The following HDAC4 variants were observed in gnomAD, a reference collection of about 807,000 sequenced individuals.
HDAC4 encodes histone deacetylase A.
A neutral mutation model predicts 135.1 loss-of-function variants in HDAC4; 16 were observed. The ratio of observed to expected loss-of-function variants is 0.12; its 90% CI spans 0.08 to 0.18. The LOEUF is 0.18. Among genes scored for constraint, HDAC4 ranks in the 10% least tolerant of loss-of-function variants. The probability of loss-of-function intolerance (pLI) is 1.00; values close to 1 mark genes in which losing one functional copy is unlikely to be tolerated. For missense variants in HDAC4, 1,143 were observed against 1,511.8 expected (o/e 0.76, Z 4.05); for synonymous variants, 685 against 653.4 (o/e 1.05, Z -0.74).
intron 1 of HDAC4, among the ~76,000 whole-genome samples, chr2:239,372,498 A>G (rs1039918811): frequency 6.6e-6 from 1 of 152,206 alleles, no homozygotes; most frequent in Non-Finnish European, 1.5e-5. Context: ...ACACGCGCGC[A>G]CACACACAGA....
At chr2:239,122,490 C>T (rs148906393) in intron 12 of HDAC4, among the ~76,000 whole-genome samples, 2 of 152,316 alleles carry the variant, frequency 1.3e-5, no homozygotes, top group Admixed American at 6.5e-5. Context: ...GTGCGTTCTC[C>T]AGAAAGTTCC....
chr2:239,132,092 G>T (rs576555396), intron 11 of HDAC4, among the ~76,000 whole-genome samples: 144 of 152,310 alleles, frequency 9.5e-4, no homozygotes, highest in Middle Eastern at 3.4e-3. Flanking sequence ...CTGGCTGGGG[G>T]AGTGAGAGAG....
chr2:239,254,953 A>C (rs746022460), intron 2 of HDAC4, among the ~76,000 whole-genome samples: 2 of 152,384 alleles, frequency 1.3e-5, no homozygotes, highest in Non-Finnish European at 2.9e-5. Context: ...AACAGCAACA[A>C]AAGTAGCCAA....
At chr2:239,385,505 G>GAGCTAGAGCA (rs577352047) in intron 1 of HDAC4, among the ~76,000 whole-genome samples, 2,577 of 152,340 alleles carry the variant, frequency 0.017, 74 homozygotes, top group African/African-American at 0.058. Flanking sequence ...ATGGAAATGA[G>GAGCTAGAGCA]TGGCCACAGG....
intron 24 of HDAC4, among the ~76,000 whole-genome samples, chr2:239,061,211 CGT>C (rs1175806118): frequency 6.6e-6 from 1 of 151,772 alleles, no homozygotes; most frequent in South Asian, 2.1e-4. Context: ...GGTATGTGTG[CGT>C]GTGTGGTGTG....
intron 24 of HDAC4, among the ~76,000 whole-genome samples, chr2:239,056,157 C>T (rs2031809702): frequency 6.6e-6 from 1 of 152,206 alleles, no homozygotes; most frequent in Non-Finnish European, 1.5e-5. Context: ...GGCACACATA[C>T]CCACAGCAGG....
At chr2:239,399,591 C>A (rs1696802249) in intron 1 of HDAC4, among the ~76,000 whole-genome samples, 2 of 152,200 alleles carry the variant, frequency 1.3e-5, no homozygotes, top group Admixed American at 1.3e-4. Context: ...CTGCCAGTAT[C>A]CCCCCAGTCC....
intron 1 of HDAC4, among the ~76,000 whole-genome samples, chr2:239,368,341 C>T (rs1694365612): frequency 6.6e-6 from 1 of 152,166 alleles, no homozygotes; most frequent in Admixed American, 6.5e-5. Flanking sequence ...CAGGGACTAG[C>T]AAAGGGGGCG....
chr2:239,191,391 C>G (rs74003749), intron 3 of HDAC4, among the ~76,000 whole-genome samples: 4,717 of 152,322 alleles, frequency 0.031, 250 homozygotes, highest in African/African-American at 0.11. Context: ...CTAGGAAAAC[C>G]TGCACTCCAC....
At chr2:239,061,362 C>G (rs1238637159) in intron 24 of HDAC4, among the ~76,000 whole-genome samples, 1 of 147,038 alleles carries the variant, frequency 6.8e-6, no homozygotes, top group Non-Finnish European at 1.5e-5. Flanking sequence ...ATGTGTGAGA[C>G]TGTGGTACCT....
chr2:239,133,498 G>A (rs553355615), intron 11 of HDAC4, among the ~76,000 whole-genome samples: 48 of 152,258 alleles, frequency 3.2e-4, no homozygotes, highest in African/African-American at 1.0e-3. Flanking sequence ...ACGGAGTCTC[G>A]CTCTGTTGCC....
At chr2:239,124,887 T>C (rs2040054876) in intron 12 of HDAC4, among the ~76,000 whole-genome samples, 1 of 145,666 alleles carries the variant, frequency 6.9e-6, no homozygotes, top group Admixed American at 6.9e-5. Flanking sequence ...CCGCGTTATA[T>C]GACATTCCAT....
intron 2 of HDAC4, among the ~76,000 whole-genome samples, chr2:239,292,626 G>C (rs924190784): frequency 6.6e-6 from 1 of 152,180 alleles, no homozygotes; most frequent in Non-Finnish European, 1.5e-5. Context: ...CTGGGAACTC[G>C]AGCCAAGTAA....
At chr2:239,127,527 C>T (rs2040277806) in intron 11 of HDAC4, among the ~76,000 whole-genome samples, 1 of 152,114 alleles carries the variant, frequency 6.6e-6, no homozygotes, top group South Asian at 2.1e-4. Flanking sequence ...TCTAACGAAC[C>T]CTCTGTCCTG....
Position 239,167,850 on chromosome 2 carries a change from G to T in HDAC4, c.491-3927C>A, listed in dbSNP as rs896790518. ...CAGAGATGAAGCGGTGGATAAAAGA[G>T]GCCAAGTTCTTCCCATACCAGGGGG... On this transcript the variant is annotated intron_variant, in intron 5 of 26. Coordinates refer to ENST00000543185, the MANE Select transcript of HDAC4 (RefSeq NM_001378414.1). The surrounding 1 kb of genome is among the most constrained non-coding windows in gnomAD (Gnocchi z 4.1). Among the ~76,000 whole-genome samples the T allele has an allele frequency of 6.6e-6, 1 of 152,004 alleles. No homozygotes were observed. The highest frequency in any genetic ancestry group is 2.4e-5 in the African/African-American group (1 of 41,362).
At chr2:239,212,784 G>A (rs1415035379) in intron 3 of HDAC4, among the ~76,000 whole-genome samples, 1 of 152,156 alleles carries the variant, frequency 6.6e-6, no homozygotes, top group Admixed American at 6.5e-5. Context: ...AGGACAACAG[G>A]CAGTGGCATC....
chr2:239,369,157 G>C (rs1259493413), intron 1 of HDAC4, among the ~76,000 whole-genome samples: 1 of 152,190 alleles, frequency 6.6e-6, no homozygotes, highest in East Asian at 1.9e-4. Flanking sequence ...CTCCAAGAAA[G>C]GAGGGAAGGC....
chr2:239,321,389 C>T (rs1197921083), intron 2 of HDAC4, among the ~76,000 whole-genome samples: 2 of 144,418 alleles, frequency 1.4e-5, no homozygotes, highest in Admixed American at 1.4e-4. Flanking sequence ...GGTGTGAACC[C>T]GGGAGACGGA....
At chr2:239,174,188 A>G (rs940706280) in intron 5 of HDAC4, among the ~76,000 whole-genome samples, 5 of 152,202 alleles carry the variant, frequency 3.3e-5, no homozygotes, top group Non-Finnish European at 7.3e-5. Context: ...ACTGTATTAG[A>G]AGGGAGAATT....
Sources: gnomAD v4.1 joint callset for allele counts (sites outside exome capture counted in the v4.1 genomes callset) on GRCh38, gnomAD v4.1.1 for gene constraint, Gnocchi (gnomAD v3.1) non-coding constraint, MANE v1.5 for transcripts, NCBI Gene and HGNC (gene_info 2026-07-23, HGNC 2026-07-21) for gene names.